The following STK3 variants were observed in gnomAD, a reference collection of about 807,000 sequenced individuals.
The protein encoded by STK3 is serine/threonine kinase 3.
STK3 carries 41 observed loss-of-function variants against 58.0 expected under a neutral mutation model. The ratio of observed to expected loss-of-function variants is 0.71; its 90% CI spans 0.55 to 0.92. STK3 has a LOEUF of 0.92. Ranked by LOEUF, STK3 falls within the 40% of genes least tolerant of loss-of-function variation. STK3 has a pLI of 0.00. For missense variants in STK3, 479 were observed against 602.7 expected (o/e 0.79, Z 2.15); for synonymous variants, 170 against 191.0 (o/e 0.89, Z 0.91).
chr8:98,520,900 T>TA (rs1338951952), intron 10 of STK3, among the ~76,000 whole-genome samples: 1 of 152,104 alleles, frequency 6.6e-6, no homozygotes, highest in Non-Finnish European at 1.5e-5. Context: ...CCAAATCACT[T>TA]ACGCTGTGCT....
chr8:98,751,103 C>G (rs1829946532), intron 3 of STK3, among the ~76,000 whole-genome samples: 2 of 152,052 alleles, frequency 1.3e-5, no homozygotes, highest in African/African-American at 4.8e-5. Context: ...GAACATACCT[C>G]AAAATAATAA....
Position 98,447,768 on chromosome 8 carries a change from T to C in STK3, n.186-10560A>G, listed in dbSNP as rs1241618609. On this transcript the variant is annotated intron_variant and non_coding_transcript_variant, in intron 1 of 3. Transcript: ENST00000517832. The stretch of plus-strand genomic sequence containing the variant: ...ATATATTTGTAAAATATATACAATA[T>C]TATATATATGTTTGCTATCATTGCT... Among the ~76,000 whole-genome samples, 4 of 148,440 alleles carry C rather than the reference T, an allele frequency of 2.7e-5. No homozygotes were observed. The Admixed American group carries it at 2.7e-4, about 10-fold the overall frequency.
intron 9 of STK3, among the ~76,000 whole-genome samples, chr8:98,540,623 C>A (rs1302355001): frequency 6.6e-6 from 1 of 152,160 alleles, no homozygotes; most frequent in Non-Finnish European, 1.5e-5. Context: ...AATGAGAAAT[C>A]TTCCGGTAAA....
At chr8:98,486,362 T>G (rs368624517) in intron 10 of STK3, among the ~76,000 whole-genome samples, 1 of 152,172 alleles carries the variant, frequency 6.6e-6, no homozygotes, top group Admixed American at 6.5e-5. Flanking sequence ...AAAGTGACAA[T>G]GATCTGATGT....
intron 3 of STK3, among the ~76,000 whole-genome samples, chr8:98,859,988 T>C (rs758960249): frequency 3.9e-5 from 6 of 152,116 alleles, no homozygotes; most frequent in Non-Finnish European, 7.4e-5. Flanking sequence ...TGCTGAGAGG[T>C]GTGGTTGTGG....
At chr8:98,899,222 A>G (rs2131947437) in intron 1 of STK3, among the ~76,000 whole-genome samples, 1 of 152,358 alleles carries the variant, frequency 6.6e-6, no homozygotes, top group Non-Finnish European at 1.5e-5. Flanking sequence ...TCATGGGGAA[A>G]GGAGCCTAGA....
At chr8:98,690,844 T>C (rs536465914) in intron 6 of STK3, among the ~76,000 whole-genome samples, 181 of 152,132 alleles carry the variant, frequency 1.2e-3, no homozygotes, top group African/African-American at 3.7e-3. Context: ...GGTACAAAAA[T>C]AGACACACAG....
intron 1 of STK3, among the ~76,000 whole-genome samples, chr8:98,387,873 C>CTT (rs548274056): frequency 4.9e-4 from 66 of 135,030 alleles, no homozygotes; most frequent in African/African-American, 1.4e-3. Flanking sequence ...GTAAAATGCC[C>CTT]TTTTTTTTTT....
intron 1 of STK3, among the ~76,000 whole-genome samples, chr8:98,941,380 G>A (rs1840421669): frequency 6.6e-6 from 1 of 152,172 alleles, no homozygotes; most frequent in Admixed American, 6.5e-5. Flanking sequence ...TCCAGGCTCT[G>A]GCGAAAAACG....
At chr8:98,607,674 GC>G (rs1477730936) in intron 6 of STK3, among the ~76,000 whole-genome samples, 3 of 152,112 alleles carry the variant, frequency 2.0e-5, no homozygotes. Flanking sequence ...TTGAACTACA[GC>G]TTTTTTCATG....
chr8:98,605,781 G>A (rs1305034964), intron 6 of STK3, among the ~76,000 whole-genome samples: 1 of 152,098 alleles, frequency 6.6e-6, no homozygotes, highest in African/African-American at 2.4e-5. Context: ...GGCCTGATGG[G>A]AGGTGATTGG....
intron 10 of STK3, among the ~76,000 whole-genome samples, chr8:98,460,903 A>C (rs1420507409): frequency 6.6e-6 from 1 of 152,216 alleles, no homozygotes; most frequent in Non-Finnish European, 1.5e-5. Context: ...GACTTGTTTT[A>C]GGCCTATCAT....
At chr8:98,571,982 T>C (rs1367489198) in intron 8 of STK3, among the ~76,000 whole-genome samples, 1 of 152,196 alleles carries the variant, frequency 6.6e-6, no homozygotes, top group Non-Finnish European at 1.5e-5. Flanking sequence ...ATGCCTTATC[T>C]TATAAATTCA....
At chr8:98,682,827 T>C (rs1046152426) in intron 6 of STK3, among the ~76,000 whole-genome samples, 24 of 152,212 alleles carry the variant, frequency 1.6e-4, no homozygotes, top group East Asian at 5.8e-4. Context: ...GTTATACACA[T>C]GAAATTAGAG....
Position 98,767,356 on chromosome 8 carries a change from T to C in STK3, c.123A>G (p.Val41=), listed in dbSNP as rs201674622. The change falls in exon 3 of 11, where the codon GTA becomes GTG. Residue 41 remains valine (V), a synonymous_variant. Coordinates refer to ENST00000419617, the MANE Select transcript of STK3 (RefSeq NM_006281.4). ...EKLGEGSYGS[V]FKAIHKESGQ... is the part of the protein sequence containing the mutation. ...CGGATTCCTTGTGTATTGCTTTAAA[T>C]ACACTTCCATAAGACCTAAAAGAAA... 89 of 1,605,570 alleles carry C rather than the reference T, an allele frequency of 5.5e-5. No homozygotes were observed. The highest frequency in any genetic ancestry group is 7.0e-5 in the Non-Finnish European group (82 of 1,177,994).
intron 3 of STK3, among the ~76,000 whole-genome samples, chr8:98,876,709 G>T (rs1474882619): frequency 1.3e-5 from 2 of 152,162 alleles, no homozygotes; most frequent in Non-Finnish European, 2.9e-5. Flanking sequence ...CTCCTAGTAG[G>T]GCTCAATAAA....
chr8:98,423,890 AG>A (rs1818199299), intron 3 of STK3, among the ~76,000 whole-genome samples: 1 of 151,028 alleles, frequency 6.6e-6, no homozygotes, highest in Admixed American at 6.6e-5. Context: ...CCACTGACTA[AG>A]GTCTCTTCAT....
At chr8:98,897,569 T>C (rs190271220) in intron 1 of STK3, among the ~76,000 whole-genome samples, 384 of 152,234 alleles carry the variant, frequency 2.5e-3, no homozygotes, top group African/African-American at 7.9e-3. Context: ...GACTCCATCC[T>C]GGGTGACAGA....
At chr8:98,783,121 T>C (rs1200280386) in intron 1 of STK3, among the ~76,000 whole-genome samples, 1 of 152,066 alleles carries the variant, frequency 6.6e-6, no homozygotes, top group Admixed American at 6.6e-5. Context: ...GAAAGACATA[T>C]AGGCATATCT....
Sources: allele counts gnomAD v4.1 joint callset (sites outside exome capture counted in the v4.1 genomes callset), GRCh38; gene constraint gnomAD v4.1.1; transcripts MANE v1.5; gene names NCBI Gene and HGNC (gene_info 2026-07-23, HGNC 2026-07-21).